Variants in CADPS2 observed in about 807,000 individuals in gnomAD.
The protein encoded by CADPS2 is calcium-dependent secretion activator 2.
Under a neutral mutation model 172.5 loss-of-function variants are expected in CADPS2, and 93 were observed. The observed-to-expected ratio is 0.54, with a 90% confidence interval of 0.46 to 0.64. CADPS2 has a LOEUF of 0.64. Ranked by LOEUF, CADPS2 falls within the 30% of genes least tolerant of loss-of-function variation. CADPS2 has a pLI of 0.00. For synonymous variants in CADPS2, 546 were observed against 555.2 expected (o/e 0.98, Z 0.23); for missense variants, 1,420 against 1,565.9 (o/e 0.91, Z 1.57).
At chr7:122,602,983 A>G (rs1282735034) in intron 6 of CADPS2, among the ~76,000 whole-genome samples, 2 of 152,082 alleles carry the variant, frequency 1.3e-5, no homozygotes, top group Non-Finnish European at 2.9e-5. Flanking sequence ...CTGCAAAATT[A>G]CTGTCAACAA....
intron 2 of CADPS2, among the ~76,000 whole-genome samples, chr7:122,690,996 A>G (rs144704009): frequency 1.0e-3 from 152 of 152,310 alleles, no homozygotes; most frequent in African/African-American, 3.0e-3. Flanking sequence ...CTCCGGCCCC[A>G]TGGCCTTATC....
chr7:122,675,917 A>G (rs1174432432), intron 2 of CADPS2, among the ~76,000 whole-genome samples: 1 of 152,116 alleles, frequency 6.6e-6, no homozygotes, highest in Non-Finnish European at 1.5e-5. Flanking sequence ...GCAGCAAACC[A>G]CCACGGCACA....
intron 7 of CADPS2, among the ~76,000 whole-genome samples, chr7:122,570,532 G>C (rs1316616270): frequency 6.8e-6 from 1 of 147,626 alleles, no homozygotes; most frequent in East Asian, 2.0e-4. Context: ...CCCATTACTG[G>C]GTATATACCC....
chr7:122,700,557 A>G (rs1385095873), intron 2 of CADPS2, among the ~76,000 whole-genome samples: 1 of 152,086 alleles, frequency 6.6e-6, no homozygotes, highest in East Asian at 1.9e-4. Context: ...AGAAATTTTC[A>G]TCAATACAAC....
chr7:122,527,853 GAATA>G (rs1037241817), intron 8 of CADPS2, among the ~76,000 whole-genome samples: 11 of 152,062 alleles, frequency 7.2e-5, no homozygotes, highest in African/African-American at 2.7e-4. Context: ...TGGGAATGGA[GAATA>G]AATGTTTCCC....
At chr7:122,885,865 T>G in intron 1 of CADPS2, 134 bp downstream of exon 1, 1 of 1,088,878 alleles carries the variant, frequency 9.2e-7, no homozygotes, top group South Asian at 1.4e-5. Context: ...TCCCCAAAGA[T>G]TCCTCTGCCC....
intron 11 of CADPS2, among the ~76,000 whole-genome samples, chr7:122,488,323 T>C (rs2058019976): frequency 6.6e-6 from 1 of 152,206 alleles, no homozygotes; most frequent in South Asian, 2.1e-4. Context: ...AGTCCAGGGA[T>C]AAATACCCAA....
chr7:122,679,997 C>T (rs1349557362), intron 2 of CADPS2, among the ~76,000 whole-genome samples: 1 of 152,160 alleles, frequency 6.6e-6, no homozygotes, highest in Non-Finnish European at 1.5e-5. Context: ...TTAGCTTGAC[C>T]TATGTACAGG....
intron 1 of CADPS2, among the ~76,000 whole-genome samples, chr7:122,790,687 C>T (rs1013981650): frequency 3.3e-5 from 5 of 152,064 alleles, no homozygotes; most frequent in Non-Finnish European, 5.9e-5. Context: ...GTACTCATAG[C>T]CTCAGTCATT....
At chr7:122,379,536 T>A in intron 24 of CADPS2, 94 bp from the exon 25 acceptor site, 1 of 744,390 alleles carries the variant, frequency 1.3e-6, no homozygotes, top group Non-Finnish European at 2.4e-6. Flanking sequence ...TTATGACCTA[T>A]CAGATTTATT....
At chr7:122,416,742 G>C (rs1186354629) in intron 17 of CADPS2, among the ~76,000 whole-genome samples, 1 of 152,162 alleles carries the variant, frequency 6.6e-6, no homozygotes, top group Non-Finnish European at 1.5e-5. Flanking sequence ...GGGTTGTGGG[G>C]GAGGAAGGCA....
intron 22 of CADPS2, among the ~76,000 whole-genome samples, chr7:122,390,431 A>C (rs568775617): frequency 6.6e-6 from 1 of 152,278 alleles, no homozygotes; most frequent in Non-Finnish European, 1.5e-5. Flanking sequence ...TTGGCAAAGA[A>C]GCAAATCTGC....
chr7:122,529,774 C>A (rs993396331), intron 8 of CADPS2, among the ~76,000 whole-genome samples: 2 of 152,046 alleles, frequency 1.3e-5, no homozygotes, highest in Admixed American at 1.3e-4. Flanking sequence ...TGAAGATCCA[C>A]GCCAAAATTA....
chr7:122,765,500 T>A (rs1159716575), intron 1 of CADPS2, among the ~76,000 whole-genome samples: 1 of 152,124 alleles, frequency 6.6e-6, no homozygotes, highest in East Asian at 1.9e-4. Context: ...TCTAAAGGAC[T>A]ATGGTATCAA....
At chr7:122,401,576 T>C (rs893306262) in intron 20 of CADPS2, among the ~76,000 whole-genome samples, 1 of 152,250 alleles carries the variant, frequency 6.6e-6, no homozygotes, top group Admixed American at 6.5e-5. Context: ...ACTAGCTTTA[T>C]AGTCACTCAG....
chr7:122,421,994 C>T (rs1220881457), intron 17 of CADPS2: 3 of 152,188 alleles, frequency 2.0e-5, no homozygotes, highest in Non-Finnish European at 4.4e-5. Context: ...TGCTTCTTCC[C>T]TCTCCAGCTA....
intron 27 of CADPS2, among the ~76,000 whole-genome samples, chr7:122,345,918 C>CTTT (rs71159791): frequency 0.15 from 21,104 of 138,566 alleles, 1,859 homozygotes; most frequent in Non-Finnish European, 0.18. Flanking sequence ...CCGTAGATAT[C>CTTT]TTTTTTTTTT....
chr7:122,574,898 T>A (rs1028732063), intron 7 of CADPS2, among the ~76,000 whole-genome samples: 1 of 152,068 alleles, frequency 6.6e-6, no homozygotes, highest in South Asian at 2.1e-4. Context: ...GAAAATGATA[T>A]CTTTACGATG....
At chr7:122,808,725 TA>T (rs1799352343) in intron 1 of CADPS2, among the ~76,000 whole-genome samples, 1 of 152,234 alleles carries the variant, frequency 6.6e-6, no homozygotes, top group African/African-American at 2.4e-5. Context: ...TCTGCTTCAA[TA>T]CAACCAAGAT....
Sources: gnomAD v4.1 joint callset for allele counts (sites outside exome capture counted in the v4.1 genomes callset) on GRCh38, gnomAD v4.1.1 for gene constraint, MANE v1.5 for transcripts, NCBI Gene and HGNC (gene_info 2026-07-23, HGNC 2026-07-21) for gene names.